The following ERC1 variants were observed in gnomAD, a reference collection of about 807,000 sequenced individuals.
ERC1 encodes the protein RAB6 interacting protein 2.
In ERC1, 56 loss-of-function variants were observed where a neutral mutation model predicts 132.0. The observed-to-expected ratio is 0.42, with a 90% CI of 0.34 to 0.53. The LOEUF (loss-of-function observed/expected upper bound fraction) is 0.53. Ranked by LOEUF, ERC1 falls within the 20% of genes least tolerant of loss-of-function variation. The pLI, the probability that ERC1 is intolerant of heterozygous loss-of-function variation, is 0.03. For missense variants in ERC1, 1,202 were observed against 1,349.9 expected, an observed-to-expected ratio of 0.89 and a Z score of 1.72; for synonymous variants, 478 against 476.1, an observed-to-expected ratio of 1.00 and a Z score of -0.05.
chr12:1,125,373 C>A (rs1948046293), intron 7 of ERC1, among the ~76,000 whole-genome samples: 2 of 151,924 alleles, frequency 1.3e-5, no homozygotes, highest in Admixed American at 1.3e-4. Flanking sequence ...CAAGAAAAAA[C>A]AAGAAAGCCT....
At chr12:1,013,947 G>A (rs1308955035) in intron 1 of ERC1, among the ~76,000 whole-genome samples, 1 of 151,976 alleles carries the variant, frequency 6.6e-6, no homozygotes, top group Non-Finnish European at 1.5e-5. Context: ...TGTTGCCCAG[G>A]CTGATCTGAA....
chr12:1,040,324 C>CTTTTTTTTTTTTTTTTTTTTTT (rs956609769), intron 2 of ERC1, among the ~76,000 whole-genome samples: 1 of 138,090 alleles, frequency 7.2e-6, no homozygotes, highest in Non-Finnish European at 1.6e-5. Context: ...TTTCTTTTTT[C>CTTTTTTTTTTTTTTTTTTTTTT]TTTTTTTTTT....
intron 16 of ERC1, among the ~76,000 whole-genome samples, chr12:1,372,436 A>G (rs73040878): frequency 0.06 from 9,197 of 152,250 alleles, 318 homozygotes; most frequent in South Asian, 0.12. Context: ...AAAATTTAAT[A>G]CTTAATATTC....
At chr12:1,036,891 T>C (rs1462895539) in intron 2 of ERC1, among the ~76,000 whole-genome samples, 4 of 152,250 alleles carry the variant, frequency 2.6e-5, no homozygotes, top group African/African-American at 9.6e-5. Flanking sequence ...AAAGGCACTA[T>C]GCAGAGTGCC....
chr12:1,015,596 T>G (rs1318477580), intron 1 of ERC1, among the ~76,000 whole-genome samples: 1 of 152,226 alleles, frequency 6.6e-6, no homozygotes, highest in Non-Finnish European at 1.5e-5. Flanking sequence ...AAACTTCTAG[T>G]TCAACAATGT....
intron 1 of ERC1, among the ~76,000 whole-genome samples, chr12:996,140 G>T (rs1960807913): frequency 6.7e-6 from 1 of 149,968 alleles, no homozygotes; most frequent in South Asian, 2.1e-4. Context: ...CCAGGCTGGA[G>T]TGCAGTGGCG....
chr12:998,302 A>G (rs1961374934), intron 1 of ERC1: 1 of 152,216 alleles, frequency 6.6e-6, no homozygotes, highest in Admixed American at 6.5e-5. Context: ...CCCTAACTTA[A>G]GAAACATTTA....
At chr12:1,450,077 C>T (rs752507596) in intron 18 of ERC1, among the ~76,000 whole-genome samples, 2 of 152,128 alleles carry the variant, frequency 1.3e-5, no homozygotes, top group Non-Finnish European at 2.9e-5. Context: ...CTATCATTGG[C>T]ATACATTTTA....
intron 15 of ERC1, among the ~76,000 whole-genome samples, chr12:1,300,386 C>G (rs2080295605): frequency 6.6e-6 from 1 of 151,964 alleles, no homozygotes. Context: ...CTAGGCAATA[C>G]CATGGGCGCG....
chr12:1,302,319 T>C (rs2080464513), intron 15 of ERC1, among the ~76,000 whole-genome samples: 1 of 152,176 alleles, frequency 6.6e-6, no homozygotes, highest in Non-Finnish European at 1.5e-5. Flanking sequence ...TAAAATATCT[T>C]AGCTGACTAG....
chr12:1,096,193 G>A (rs1057015455), intron 3 of ERC1, among the ~76,000 whole-genome samples: 1 of 152,144 alleles, frequency 6.6e-6, no homozygotes, highest in Non-Finnish European at 1.5e-5. Flanking sequence ...TTCCCAAAGT[G>A]TTTGGATTAC....
chr12:1,252,503 C>G (rs959505506), intron 13 of ERC1, among the ~76,000 whole-genome samples: 1 of 152,184 alleles, frequency 6.6e-6, no homozygotes, highest in African/African-American at 2.4e-5. Flanking sequence ...AGATGAGACC[C>G]TTCCCAGTCT....
At chr12:1,255,916 G>A (rs1371658076) in intron 13 of ERC1, among the ~76,000 whole-genome samples, 4 of 151,912 alleles carry the variant, frequency 2.6e-5, no homozygotes, top group African/African-American at 9.7e-5. Flanking sequence ...TGGGATTACA[G>A]GCGTGAGTTT....
At chr12:1,304,910 C>G (rs1183591340) in intron 15 of ERC1, among the ~76,000 whole-genome samples, 1 of 150,296 alleles carries the variant, frequency 6.7e-6, no homozygotes, top group East Asian at 2.0e-4. Context: ...CTACCTCAGC[C>G]TCCCGAGTAG....
chr12:1,464,511 C>CTTTTT (rs34542821), intron 18 of ERC1, among the ~76,000 whole-genome samples: 8 of 67,400 alleles, frequency 1.2e-4, no homozygotes, highest in African/African-American at 2.8e-4. Context: ...ATGCAAAAGC[C>CTTTTT]TTTTTTTTTT....
At chr12:1,419,633 G>T (rs1024326775) in intron 17 of ERC1, among the ~76,000 whole-genome samples, 2 of 151,616 alleles carry the variant, frequency 1.3e-5, no homozygotes, top group African/African-American at 4.9e-5. Flanking sequence ...ATAAAACCTT[G>T]TGAAAAACCA....
At chr12:1,370,910 G>C (rs2087150770) in intron 15 of ERC1, among the ~76,000 whole-genome samples, 1 of 152,116 alleles carries the variant, frequency 6.6e-6, no homozygotes, top group Non-Finnish European at 1.5e-5. Context: ...GTATGGTTTT[G>C]CCATGTTGCC....
chr12:1,258,005 C>G (rs1353970674), intron 13 of ERC1, among the ~76,000 whole-genome samples: 1 of 152,006 alleles, frequency 6.6e-6, no homozygotes, highest in African/African-American at 2.4e-5. Flanking sequence ...GTTTAATCAC[C>G]CAGTAGCTAG....
intron 18 of ERC1, among the ~76,000 whole-genome samples, chr12:1,445,698 A>G (rs1242350531): frequency 6.6e-6 from 1 of 152,212 alleles, no homozygotes. Flanking sequence ...TGAAGGAAGT[A>G]CGATTCTTGG....
Sources: allele counts gnomAD v4.1 joint callset (sites outside exome capture counted in the v4.1 genomes callset), GRCh38; gene constraint gnomAD v4.1.1; transcripts MANE v1.5; gene names NCBI Gene and HGNC (gene_info 2026-07-23, HGNC 2026-07-21).